CELF1: variants seen among roughly 807,000 people sequenced by gnomAD.
CELF1 encodes the protein CUGBP Elav-like family member 1.
A neutral mutation model predicts 61.8 loss-of-function variants in CELF1; 10 were observed. The observed-to-expected ratio is 0.16, with a 90% CI of 0.10 to 0.27. The LOEUF (loss-of-function observed/expected upper bound fraction) is 0.27. Among genes scored for constraint, CELF1 ranks in the 10% least tolerant of loss-of-function variants. The pLI, the probability that CELF1 is intolerant of heterozygous loss-of-function variation, is 1.00. For missense variants in CELF1, 380 were observed against 639.1 expected (o/e 0.59, Z 4.37); for synonymous variants, 236 against 225.1 (o/e 1.05, Z -0.43).
chr11:47,476,773 G>A (rs961388630), intron 12 of CELF1, 73 bp downstream of exon 12: 6 of 1,166,088 alleles, frequency 5.1e-6, no homozygotes, highest in African/African-American at 1.5e-5. Context: ...CATTCCAGTG[G>A]TGCCCCTACC....
intron 1 of CELF1, among the ~76,000 whole-genome samples, chr11:47,550,239 C>CAA (rs200633635): frequency 2.0e-5 from 3 of 149,992 alleles, no homozygotes; most frequent in Non-Finnish European, 3.0e-5. Flanking sequence ...AACAAACAAA[C>CAA]AAAAAAAAAC....
intron 1 of CELF1, among the ~76,000 whole-genome samples, chr11:47,547,068 A>T (rs2096975502): frequency 1.6e-5 from 1 of 64,262 alleles, no homozygotes; most frequent in African/African-American, 3.5e-5. Flanking sequence ...TCCACCTCAA[A>T]AAAAAAAAAA....
chr11:47,521,912 G>A (rs956369108), intron 1 of CELF1, among the ~76,000 whole-genome samples: 1 of 136,016 alleles, frequency 7.4e-6, no homozygotes, highest in Non-Finnish European at 1.7e-5. Flanking sequence ...CAGCTATGCT[G>A]ATTTTTTTTT....
At chr11:47,557,123 C>T (rs1185771322), upstream of CELF1, among the ~76,000 whole-genome samples, 1 of 152,012 alleles carries the variant, frequency 6.6e-6, no homozygotes, top group African/African-American at 2.4e-5. Context: ...TGGCCTTGAA[C>T]TCCTTACCTC....
At chr11:47,528,472 C>G (rs2096340514) in intron 1 of CELF1, among the ~76,000 whole-genome samples, 1 of 152,018 alleles carries the variant, frequency 6.6e-6, no homozygotes, top group African/African-American at 2.4e-5. Context: ...AAAGTTTGGC[C>G]AGGCACAGTG....
rs2077491001 is a variant in CELF1, at chr11:47,470,683, A to G, written c.*1547T>C. ...CTTATCTCTGCTGCTAGGGGTCAAG[A>G]CTGGTATTTGTTGAGGTTTCAGATT... On this transcript the variant is annotated 3_prime_UTR_variant, in exon 15 of 15. Transcript: ENST00000687097. The G allele has an allele frequency of 6.6e-6, 1 of 152,106 alleles. No homozygotes were observed. Among genetic ancestry groups the G allele is most frequent in the African/African-American group, 2.4e-5 (1 of 41,400 alleles). The allele number at this position is 152,106 out of a possible 1,614,324, so 9.4% of individuals were successfully genotyped here. A position where few individuals can be genotyped will look rare whatever the true frequency, so the allele number is the denominator to read the frequency against.
At chr11:47,544,128 C>G (rs1339671241) in intron 1 of CELF1, among the ~76,000 whole-genome samples, 1 of 152,070 alleles carries the variant, frequency 6.6e-6, no homozygotes, top group African/African-American at 2.4e-5. Flanking sequence ...TAAGCCACAA[C>G]AGACACAAGA....
intron 1 of CELF1, among the ~76,000 whole-genome samples, chr11:47,552,462 G>GC: frequency 6.6e-6 from 1 of 152,228 alleles, no homozygotes; most frequent in Non-Finnish European, 1.5e-5. Flanking sequence ...GGGAGGGCGA[G>GC]CCAAGGCCGT....
chr11:47,482,623 G>T, intron 9 of CELF1, 72 bp downstream of exon 9: 1 of 1,448,656 alleles, frequency 6.9e-7, no homozygotes. Context: ...TGTGTTTGTT[G>T]GCTAGGGACA....
At chr11:47,478,749 C>T (rs1021955028) in intron 10 of CELF1, 128 bp downstream of exon 10, 2 of 688,738 alleles carry the variant, frequency 2.9e-6, no homozygotes. Context: ...GGATGTTTAT[C>T]CTAGGTCAGG....
intron 1 of CELF1, among the ~76,000 whole-genome samples, chr11:47,518,429 A>G (rs1275285040): frequency 6.6e-6 from 1 of 152,254 alleles, no homozygotes; most frequent in African/African-American, 2.4e-5. Flanking sequence ...GGGTGAGATA[A>G]TATGTCAAAA....
At chr11:47,507,503 A>G (rs993412888) in intron 1 of CELF1, among the ~76,000 whole-genome samples, 4 of 152,180 alleles carry the variant, frequency 2.6e-5, no homozygotes, top group Non-Finnish European at 4.4e-5. Context: ...TTGATGGTAA[A>G]AGCAAACAGA....
intron 2 of CELF1, 89 bp from the exon 3 acceptor site, chr11:47,499,693 G>C: frequency 1.7e-6 from 1 of 605,912 alleles, no homozygotes; most frequent in Admixed American, 2.9e-5. Flanking sequence ...TGGGGAAGGG[G>C]TAGGGAAAGG....
chr11:47,486,852 A>G (rs1057379643), intron 5 of CELF1, 54 bp from the exon 6 acceptor site: 22 of 1,309,362 alleles, frequency 1.7e-5, no homozygotes, highest in Non-Finnish European at 2.4e-5. Flanking sequence ...GTATTCAAAA[A>G]TACATATGGA....
intron 1 of CELF1, among the ~76,000 whole-genome samples, chr11:47,543,723 C>A (rs2096865908): frequency 6.6e-6 from 1 of 151,896 alleles, no homozygotes; most frequent in Non-Finnish European, 1.5e-5. Flanking sequence ...GTTTGGGCTA[C>A]ATAGCGGACC....
intron 3 of CELF1, among the ~76,000 whole-genome samples, chr11:47,490,577 C>A (rs1480911912): frequency 2.0e-5 from 3 of 151,764 alleles, no homozygotes; most frequent in African/African-American, 7.3e-5. Context: ...AAGGCATGCA[C>A]CACCATGCGT....
At chr11:47,558,652 TATA>T (rs2097214904) in intron 2 of CELF1, among the ~76,000 whole-genome samples, 2 of 106,964 alleles carry the variant, frequency 1.9e-5, no homozygotes, top group South Asian at 2.4e-4. Flanking sequence ...ATATATTAGA[TATA>T]ATATATTACA....
At chr11:47,481,093 TTTCTTC>T (rs1565766340) in intron 9 of CELF1, among the ~76,000 whole-genome samples, 1 of 102,108 alleles carries the variant, frequency 9.8e-6, no homozygotes, top group Non-Finnish European at 2.2e-5. Flanking sequence ...TTTTTTTTTT[TTTCTTC>T]TTCTTTTTTT....
intron 10 of CELF1, 52 bp from the exon 11 acceptor site, chr11:47,477,477 C>G: frequency 6.3e-7 from 1 of 1,595,886 alleles, no homozygotes; most frequent in Non-Finnish European, 8.6e-7. Context: ...GCTTCATATC[C>G]ATTCCAGCAA....
Sources: allele counts gnomAD v4.1 joint callset (sites outside exome capture counted in the v4.1 genomes callset), GRCh38; gene constraint gnomAD v4.1.1; transcripts MANE v1.5; gene names NCBI Gene and HGNC (gene_info 2026-07-23, HGNC 2026-07-21).